Variants in C12orf54 observed in about 807,000 individuals in gnomAD.
The protein encoded by C12orf54 is uncharacterized protein C12orf54.
C12orf54 carries 24 observed loss-of-function variants against 26.4 expected under a neutral mutation model. The observed-to-expected ratio is 0.91, with a 90% confidence interval of 0.66 to 1.28. The LOEUF is 1.28. Ranked by LOEUF, C12orf54 falls within the 50% of genes most tolerant of loss-of-function variation. The probability of loss-of-function intolerance (pLI) is 0.00; values close to 1 mark genes in which losing one functional copy is unlikely to be tolerated. For synonymous variants in C12orf54, 54 were observed against 47.0 expected (o/e 1.15, Z -0.61); for missense variants, 154 against 150.9 (o/e 1.02, Z -0.11).
At chr12:48,484,438 G>A (rs1169802544) in intron 2 of C12orf54, among the ~76,000 whole-genome samples, 1 of 152,194 alleles carries the variant, frequency 6.6e-6, no homozygotes, top group Non-Finnish European at 1.5e-5. Context: ...ATATGAGAAA[G>A]CACATAAACC....
At chr12:48,455,901 C>G in the C12orf54 span, among the ~76,000 whole-genome samples, 1 of 152,148 alleles carries the variant, frequency 6.6e-6, no homozygotes, top group South Asian at 2.1e-4. Context: ...ATCATAGTAA[C>G]TACTCAGTGA....
chr12:48,459,929 C>T, the C12orf54 span, among the ~76,000 whole-genome samples: 2 of 152,128 alleles, frequency 1.3e-5, no homozygotes, highest in Non-Finnish European at 2.9e-5. Flanking sequence ...TAGGCATGTA[C>T]ATATGAATGA....
At chr12:48,489,225 G>T (rs772928658) in intron 5 of C12orf54, 1 of 638,916 alleles carries the variant, frequency 1.6e-6, no homozygotes, top group South Asian at 1.5e-5. Context: ...ACTCTATGTG[G>T]TTGTATGAAA....
chr12:48,452,163 A>G, the C12orf54 span, among the ~76,000 whole-genome samples: 1 of 152,268 alleles, frequency 6.6e-6, no homozygotes, highest in Non-Finnish European at 1.5e-5. Flanking sequence ...CAGAATAGAG[A>G]ACCCAGAAAT....
At chr12:48,434,153 C>T in the C12orf54 span, among the ~76,000 whole-genome samples, 1 of 152,148 alleles carries the variant, frequency 6.6e-6, no homozygotes. Context: ...ACCCATGGAG[C>T]CTCGCTCATT....
At chr12:48,455,354 G>A in the C12orf54 span, among the ~76,000 whole-genome samples, 1 of 152,134 alleles carries the variant, frequency 6.6e-6, no homozygotes, top group Non-Finnish European at 1.5e-5. Flanking sequence ...CTGTTAATGG[G>A]CATCTAGGTT....
chr12:48,472,216 T>G, the C12orf54 span, among the ~76,000 whole-genome samples: 1 of 152,236 alleles, frequency 6.6e-6, no homozygotes, highest in Non-Finnish European at 1.5e-5. Context: ...TTACTAAAAC[T>G]GTTTATCAGC....
chr12:48,415,486 A>G, the C12orf54 span, among the ~76,000 whole-genome samples: 1 of 152,164 alleles, frequency 6.6e-6, no homozygotes, highest in African/African-American at 2.4e-5. Context: ...TGAATTTTCA[A>G]TGGCACTCAA....
At chr12:48,449,108 AT>A in the C12orf54 span, among the ~76,000 whole-genome samples, 1 of 152,220 alleles carries the variant, frequency 6.6e-6, no homozygotes, top group East Asian at 1.9e-4. Flanking sequence ...GAGATAGAAG[AT>A]TATGGAAATC....
the C12orf54 span, among the ~76,000 whole-genome samples, chr12:48,429,756 A>G: frequency 6.6e-6 from 1 of 152,168 alleles, no homozygotes; most frequent in Non-Finnish European, 1.5e-5. Flanking sequence ...CAATCTACAA[A>G]TTCAGCACAA....
the C12orf54 span, among the ~76,000 whole-genome samples, chr12:48,458,746 T>TTA: frequency 0.012 from 1,730 of 150,210 alleles, 144 homozygotes; most frequent in Admixed American, 0.1. Flanking sequence ...TTTTTTTTTT[T>TTA]AAACCAAACC....
chr12:48,487,404 C>T (rs17123096), intron 4 of C12orf54, among the ~76,000 whole-genome samples: 1,796 of 152,304 alleles, frequency 0.012, 149 homozygotes, highest in Admixed American at 0.1. Flanking sequence ...CCTCTTGTGC[C>T]AGCCCCCACT....
chr12:48,467,135 A>G, the C12orf54 span, among the ~76,000 whole-genome samples: 2 of 152,152 alleles, frequency 1.3e-5, no homozygotes, highest in Admixed American at 1.3e-4. Context: ...TAATGACAAG[A>G]GTCTTTAGAA....
the C12orf54 span, among the ~76,000 whole-genome samples, chr12:48,464,934 T>G: frequency 6.6e-6 from 1 of 152,136 alleles, no homozygotes; most frequent in Non-Finnish European, 1.5e-5. Flanking sequence ...ATTAAAGACT[T>G]AAATGTAAAA....
At chr12:48,476,306 G>C in the C12orf54 span, among the ~76,000 whole-genome samples, 3 of 152,184 alleles carry the variant, frequency 2.0e-5, no homozygotes, top group African/African-American at 7.2e-5. Flanking sequence ...AAATTGTAAA[G>C]ACCATCCAGG....
At chr12:48,455,953 C>T in the C12orf54 span, among the ~76,000 whole-genome samples, 9 of 152,202 alleles carry the variant, frequency 5.9e-5, no homozygotes, top group East Asian at 1.9e-4. Flanking sequence ...TAAAAAATAA[C>T]GTGATTGAAT....
chr12:48,474,992 C>T, the C12orf54 span, among the ~76,000 whole-genome samples: 5 of 152,192 alleles, frequency 3.3e-5, no homozygotes, highest in East Asian at 1.9e-4. Flanking sequence ...CTGGGAGGCA[C>T]CCCCCAGTAG....
At chr12:48,444,948 G>A in the C12orf54 span, among the ~76,000 whole-genome samples, 4 of 152,120 alleles carry the variant, frequency 2.6e-5, no homozygotes, top group East Asian at 7.7e-4. Context: ...CGAGGTGGGC[G>A]GATCACGAGG....
chr12:48,492,550 A>T (rs1194709637), intron 6 of C12orf54, among the ~76,000 whole-genome samples: 1 of 152,216 alleles, frequency 6.6e-6, no homozygotes, highest in Admixed American at 6.5e-5. Flanking sequence ...ACTTCCTAAA[A>T]GATGGAGGGA....
Sources: allele counts gnomAD v4.1 joint callset (sites outside exome capture counted in the v4.1 genomes callset), GRCh38; gene constraint gnomAD v4.1.1; transcripts MANE v1.5; gene names NCBI Gene and HGNC (gene_info 2026-07-23, HGNC 2026-07-21).